The following XK variants were observed in gnomAD, a reference collection of about 807,000 sequenced individuals.
XK encodes the protein X-linked Kx blood group antigen, Kell and VPS13A binding protein.
A neutral mutation model predicts 14.0 loss-of-function variants in XK; 2 were observed. That is an observed-to-expected ratio of 0.14 (90% CI 0.06 to 0.45). The LOEUF (loss-of-function observed/expected upper bound fraction) is 0.45. XK is among the 20% of genes least tolerant of loss of function. The pLI is 0.98. For synonymous variants in XK, 149 were observed against 147.5 expected, an observed-to-expected ratio of 1.01 and a Z score of -0.08; for missense variants, 235 against 341.5, an observed-to-expected ratio of 0.69 and a Z score of 2.46.
chrX:37,719,456 T>C (rs781903177), intron 2 of XK, among the ~76,000 whole-genome samples: 5 of 110,888 alleles, frequency 4.5e-5, no homozygotes, highest in Admixed American at 1.9e-4. Flanking sequence ...CTCTCTCTCT[T>C]TTTCTCTATC....
At position 37,731,046 on chromosome X, in the gene XK, C is replaced by T. The variant is rs1226864823; in HGVS notation, c.*2584C>T. On this transcript the variant is annotated 3_prime_UTR_variant, in exon 3 of 3. Transcript: ENST00000378616. ...CTTTCTGTGTGGTGAAAACATAAGC[C>T]ATGGTGAACTGATAATTTTTGTTTT... The T allele has an allele frequency of 1.2e-4, 13 of 111,840 alleles. No individual in the cohort carries two copies. Among genetic ancestry groups the T allele is most frequent in the African/African-American group, 3.6e-4 (11 of 30,752 alleles). 9.2% of individuals were successfully genotyped at this position (111,840 alleles called of 1,213,427 possible).
chrX:37,693,242 T>A (rs1927237990), intron 1 of XK, among the ~76,000 whole-genome samples: 1 of 112,245 alleles, frequency 8.9e-6, no homozygotes, highest in Admixed American at 9.4e-5. Context: ...ATAAGGTTGT[T>A]ATAAAAGTGC....
intron 2 of XK, among the ~76,000 whole-genome samples, chrX:37,705,369 G>A (rs902680023): frequency 2.0e-4 from 22 of 109,214 alleles, no homozygotes; most frequent in African/African-American, 6.3e-4. Flanking sequence ...GGAGAATGGC[G>A]TGAACCCGGG....
At chrX:37,687,194 T>C (rs868988865) in intron 1 of XK, among the ~76,000 whole-genome samples, 24 of 86,942 alleles carry the variant, frequency 2.8e-4, no homozygotes, top group East Asian at 7.3e-4. Context: ...CTCTCTCTCT[T>C]ACACACACAC....
chrX:37,727,540 G>C (rs1301406052), intron 2 of XK, 96 bp from the exon 3 acceptor site: 7 of 735,855 alleles, frequency 9.5e-6, no homozygotes, highest in African/African-American at 2.1e-5. Flanking sequence ...AAACAGAAGA[G>C]TCCAAGGAAT....
In XK at chrX:37,728,306, G is replaced by A; in HGVS notation, c.1179G>A (p.Arg393=). ...SVSEGFQRWL[R]CFCWACRQQK... is the part of the protein sequence containing the mutation. Reference sequence around the variant, plus strand: ...CTGAAGGCTTTCAGAGGTGGCTCAGGTGTTTTTGCTGGGCCTGCAGGCAGC... The same window carrying A: ...CTGAAGGCTTTCAGAGGTGGCTCAGATGTTTTTGCTGGGCCTGCAGGCAGC... The change falls in exon 3 of 3, where the codon AGG becomes AGA. Residue 393 remains arginine (R), a synonymous_variant. Coordinates refer to ENST00000378616, the MANE Select transcript of XK (RefSeq NM_021083.4). The A allele has an allele frequency of 8.3e-7, 1 of 1,210,978 alleles. No homozygotes were observed. Among genetic ancestry groups the A allele is most frequent in the East Asian group, 3.0e-5 (1 of 33,799 alleles).
At chrX:37,700,761 A>G (rs1388004766) in intron 2 of XK, among the ~76,000 whole-genome samples, 1 of 110,912 alleles carries the variant, frequency 9.0e-6, no homozygotes, top group East Asian at 2.8e-4. Context: ...GCAGACTCTG[A>G]CTGAGGTGCG....
At position 37,727,533 on chromosome X, in the gene XK, C is replaced by T. The variant is rs1029930180; in HGVS notation, c.509-103C>T. The stretch of plus-strand genomic sequence containing the variant: ...TGGAAGTCAGGCTGTGCACATAAAA[C>T]AGAAGAGTCCAAGGAATGCGGGTGG... On this transcript the variant is annotated intron_variant, in intron 2 of 2. Transcript: ENST00000378616. 36 of 692,858 alleles carry T rather than the reference C, an allele frequency of 5.2e-5. No individual in the cohort carries two copies. The Admixed American group carries it at 9.3e-4, about 18-fold the overall frequency. 57.1% of individuals were successfully genotyped at this position (692,858 alleles called of 1,213,427 possible). A position where few individuals can be genotyped will look rare whatever the true frequency, so the allele number is the denominator to read the frequency against.
Position 37,729,119 on chromosome X carries a change from T to C in XK, c.*657T>C, listed in dbSNP as rs1219327146. ...CATCCATGGATGCAGAAATGAGTGA[T>C]AAATTTGGCCATGAAAGCCCTGGAA... On this transcript the variant is annotated 3_prime_UTR_variant, in exon 3 of 3. Transcript: ENST00000378616. The C allele has an allele frequency of 9.0e-6, 1 of 111,421 alleles. No homozygotes were observed. The highest frequency in any genetic ancestry group is 1.9e-5 in the Non-Finnish European group (1 of 53,054). 9.2% of individuals were successfully genotyped at this position (111,421 alleles called of 1,213,427 possible). A position where few individuals can be genotyped will look rare whatever the true frequency, so the allele number is the denominator to read the frequency against.
intron 2 of XK, 140 bp downstream of exon 2, chrX:37,694,688 C>T: frequency 1.1e-6 from 1 of 925,312 alleles, no homozygotes; most frequent in Non-Finnish European, 1.5e-6. Flanking sequence ...GCTCAAAACT[C>T]AATTAAAATA....
intron 2 of XK, among the ~76,000 whole-genome samples, chrX:37,721,668 C>T (rs1042088755): frequency 9.0e-6 from 1 of 111,429 alleles, no homozygotes; most frequent in Admixed American, 9.5e-5. Context: ...CTAAACATTA[C>T]GTTACCATAT....
At position 37,731,987 on chromosome X, in the gene XK, G is replaced by T. The variant is rs1602160624; in HGVS notation, c.*3525G>T. 1 of 111,507 alleles carries T rather than the reference G, an allele frequency of 9.0e-6. No homozygotes were observed. The highest frequency in any genetic ancestry group is 3.8e-4 in the South Asian group (1 of 2,659). The allele number at this position is 111,507 out of a possible 1,213,427, so 9.2% of individuals were successfully genotyped here. ...AACCACCTTAAAACATTAGTGCTAT[G>T]GTTATGAGTGTATGTGCCAGTACTT... On this transcript the variant is annotated 3_prime_UTR_variant, in exon 3 of 3. Coordinates refer to ENST00000378616, the MANE Select transcript of XK (RefSeq NM_021083.4).
At chrX:37,725,643 A>C (rs1187468992) in intron 2 of XK, among the ~76,000 whole-genome samples, 1 of 111,867 alleles carries the variant, frequency 8.9e-6, no homozygotes, top group African/African-American at 3.2e-5. Context: ...AAAAATCTAC[A>C]TATGGATGTT....
At chrX:37,699,611 C>T (rs1380575127) in intron 2 of XK, among the ~76,000 whole-genome samples, 3 of 112,149 alleles carry the variant, frequency 2.7e-5, no homozygotes, top group Non-Finnish European at 5.6e-5. Context: ...TAAATGAGCT[C>T]ACTGGCAATA....
At chrX:37,715,508 AGGGT>A (rs1348382714) in intron 2 of XK, among the ~76,000 whole-genome samples, 1 of 111,779 alleles carries the variant, frequency 8.9e-6, no homozygotes, top group African/African-American at 3.3e-5. Context: ...GTTCTATTGC[AGGGT>A]GGCCAACCTT....
chrX:37,704,364 G>A (rs931658331), intron 2 of XK, among the ~76,000 whole-genome samples: 1 of 110,871 alleles, frequency 9.0e-6, no homozygotes, highest in Non-Finnish European at 1.9e-5. Flanking sequence ...TGAGACCTCC[G>A]TCTCTACAAA....
At chrX:37,727,079 C>G (rs1927990257) in intron 2 of XK, among the ~76,000 whole-genome samples, 1 of 110,998 alleles carries the variant, frequency 9.0e-6, no homozygotes, top group South Asian at 3.8e-4. Flanking sequence ...TCAGACAGGC[C>G]CAGATGAGGT....
At chrX:37,703,980 A>G (rs1356969314) in intron 2 of XK, among the ~76,000 whole-genome samples, 1 of 111,962 alleles carries the variant, frequency 8.9e-6, no homozygotes, top group East Asian at 2.8e-4. Context: ...GTTCCACTGG[A>G]CATTGTATTA....
Position 37,686,108 on chromosome X carries a change from G to A in XK, c.147G>A (p.Ala49=). Residue 49 remains alanine (A), a synonymous_variant, in exon 1 of 3, where the codon GCG becomes GCA. Transcript: ENST00000378616. ...TGCTTTTCTCGCTACTGCCTTGCGC[G>A]CTCGTGCAGCTCACGCTTCTCTTCG... ...LTLLFSLLPC[A]LVQLTLLFVH... 8.3e-7 allele frequency: 1 copy of A among 1,211,276 alleles called. No homozygotes were observed. Among genetic ancestry groups the A allele is most frequent in the East Asian group, 3.0e-5 (1 of 33,827 alleles).
Sources: allele counts gnomAD v4.1 joint callset (sites outside exome capture counted in the v4.1 genomes callset), GRCh38; gene constraint gnomAD v4.1.1; transcripts MANE v1.5; gene names NCBI Gene and HGNC (gene_info 2026-07-23, HGNC 2026-07-21).